SQLE: variants seen among roughly 807,000 people sequenced by gnomAD.
SQLE encodes the protein squalene monooxygenase.
SQLE carries 29 observed loss-of-function variants against 60.7 expected under a neutral mutation model. The ratio of observed to expected loss-of-function variants is 0.48; its 90% CI spans 0.36 to 0.65. The LOEUF (loss-of-function observed/expected upper bound fraction) is 0.65, where lower values mean the gene tolerates loss of function less well. SQLE is among the 30% of genes least tolerant of loss of function. The pLI, the probability that SQLE is intolerant of heterozygous loss-of-function variation, is 0.00. For synonymous variants in SQLE, 237 were observed against 246.8 expected, an observed-to-expected ratio of 0.96 and a Z score of 0.37; for missense variants, 605 against 684.1, an observed-to-expected ratio of 0.88 and a Z score of 1.29.
Position 124,998,653 on chromosome 8 carries a change from T to TG in SQLE, c.-749dup, listed in dbSNP as rs1563593771. 5 of 669,420 alleles carry TG rather than the reference T, an allele frequency of 7.5e-6. No homozygotes were observed. The highest frequency in any genetic ancestry group is 1.4e-5 in the Non-Finnish European group (5 of 368,724). 41.5% of individuals were successfully genotyped at this position (669,420 alleles called of 1,614,324 possible). ...CCGCCGCCATCTGAGGGAGGTACCC[T>TG]GGAAACCACCTTTTATCGGTGGGGA... is the stretch of plus-strand genomic sequence containing the variant. On this transcript the variant is annotated 5_prime_UTR_variant, in exon 1 of 11. Transcript: ENST00000265896.
intron 10 of SQLE, among the ~76,000 whole-genome samples, chr8:125,021,344 T>C (rs952138423): frequency 2.6e-5 from 4 of 152,106 alleles, no homozygotes; most frequent in African/African-American, 9.7e-5. Flanking sequence ...TCATAATCTA[T>C]AATCTGAATG....
chr8:124,999,641 T>C lies in SQLE; in HGVS notation c.238T>C (p.Trp80Arg). Residue 80 changes from tryptophan (W) to arginine (R), a missense_variant, in exon 1 of 11, where the codon TGG becomes CGG. Trp to Arg is a moderately radical substitution (Grantham distance 101). Coordinates refer to ENST00000265896, the MANE Select transcript of SQLE (RefSeq NM_003129.4). ...AGGCCTGCCTTTCATTGGCTTCTTCTGGGCCAAATCCCCCCCTGAATCAGA... is the reference window on the plus strand; with the variant it reads ...AGGCCTGCCTTTCATTGGCTTCTTCCGGGCCAAATCCCCCCCTGAATCAGA... ...LSGLPFIGFF[W>R]AKSPPESENK... 1 of 1,611,928 alleles carries C rather than the reference T, an allele frequency of 6.2e-7. No individual in the cohort carries two copies. Among genetic ancestry groups the C allele is most frequent in the Non-Finnish European group, 8.5e-7 (1 of 1,178,862 alleles).
intron 1 of SQLE, among the ~76,000 whole-genome samples, chr8:125,002,313 A>T (rs887872128): frequency 6.6e-6 from 1 of 152,224 alleles, no homozygotes; most frequent in African/African-American, 2.4e-5. Context: ...CTTTTGTCAT[A>T]TAAAAGTGAT....
intron 3 of SQLE, among the ~76,000 whole-genome samples, chr8:125,006,265 C>G (rs894454623): frequency 1.3e-5 from 2 of 152,182 alleles, no homozygotes; most frequent in Non-Finnish European, 2.9e-5. Context: ...AGCAAGTGGA[C>G]TTAATCCTTT....
intron 7 of SQLE, among the ~76,000 whole-genome samples, chr8:125,015,923 C>T (rs1815105455): frequency 6.6e-6 from 1 of 151,868 alleles, no homozygotes; most frequent in African/African-American, 2.4e-5. Flanking sequence ...GTGTCTTGCC[C>T]CTCTCTCCTG....
chr8:125,001,449 G>GGTGT (rs57946751), intron 1 of SQLE, among the ~76,000 whole-genome samples: 10,234 of 136,836 alleles, frequency 0.075, 473 homozygotes, highest in African/African-American at 0.13. Context: ...CTCCTTTCAG[G>GGTGT]GTGTGTGTGT....
At chr8:125,014,197 G>T (rs1003293494) in intron 7 of SQLE, among the ~76,000 whole-genome samples, 40 of 152,126 alleles carry the variant, frequency 2.6e-4, no homozygotes, top group African/African-American at 8.9e-4. Context: ...TAAAAAACGT[G>T]ATGATTTGGA....
chr8:125,017,051 G>A (rs999873073), intron 7 of SQLE, among the ~76,000 whole-genome samples: 8 of 152,072 alleles, frequency 5.3e-5, no homozygotes, highest in Non-Finnish European at 1.2e-4. Context: ...CATGACTGGC[G>A]TGTGCTGAGT....
In SQLE at chr8:125,021,789, C is replaced by G; in HGVS notation, c.1569C>G (p.Phe523Leu). 6.2e-7 allele frequency: 1 copy of G among 1,608,338 alleles called. No individual in the cohort carries two copies. The change falls in exon 11 of 11, where the codon TTC (phenylalanine) becomes TTG (leucine). Residue 523 changes from phenylalanine (F) to leucine (L), a missense_variant. By Grantham distance (22) the Phe-to-Leu change is conservative. Coordinates refer to ENST00000265896, the MANE Select transcript of SQLE (RefSeq NM_003129.4). ...SPNPLVLIGH[F>L]FAVAIYAVYF... Reference sequence around the variant, plus strand: ...ACCCTCTAGTTTTAATTGGACACTTCTTTGCTGTTGCAATCTATGCCGTGT... The same window carrying G: ...ACCCTCTAGTTTTAATTGGACACTTGTTTGCTGTTGCAATCTATGCCGTGT...
rs911604470 is a variant in SQLE at position 124,998,629 on chromosome 8, C to T, written c.-775C>T. ...TGGTGAGGAAGCCGTCGGGAGCCGC[C>T]GCCGCCATCTGAGGGAGGTACCCTG... is the stretch of plus-strand genomic sequence containing the variant. On this transcript the variant is annotated 5_prime_UTR_variant, in exon 1 of 11. Coordinates refer to ENST00000265896, the MANE Select transcript of SQLE (RefSeq NM_003129.4). 6 of 680,758 alleles carry T rather than the reference C, an allele frequency of 8.8e-6. No homozygotes were observed. The highest frequency in any genetic ancestry group is 1.8e-5 in the African/African-American group (1 of 55,202). The allele number at this position is 680,758 out of a possible 1,614,324, so 42.2% of individuals were successfully genotyped here.
In SQLE at chr8:125,016,196, CT is replaced by C. The variant is rs1413892449; in HGVS notation, c.1205-1862del. ...GTTATTTTTTCTTCAAATAAACTTT[CT>C]ACCCTCATCTTTCTATCTCCTTTTA... On this transcript the variant is annotated intron_variant, in intron 7 of 10. Coordinates refer to ENST00000265896, the MANE Select transcript of SQLE (RefSeq NM_003129.4). This position sits in a 1 kb window ranked among gnomAD's most constrained non-coding sequence, Gnocchi z 4.1. Among the ~76,000 whole-genome samples the C allele has an allele frequency of 3.2e-5, 4 of 126,158 alleles. No homozygotes were observed. The highest frequency in any genetic ancestry group is 7.8e-5 in the African/African-American group (2 of 25,694). The allele number at this position is 126,158 out of a possible 152,430, so 82.8% of individuals were successfully genotyped here.
Position 125,009,350 on chromosome 8 carries a change from A to T in SQLE, c.1108+7A>T. 1 of 1,608,040 alleles carries T rather than the reference A, an allele frequency of 6.2e-7. No homozygotes were observed. The highest frequency in any genetic ancestry group is 1.3e-5 in the African/African-American group (1 of 74,890). ...ATTTACCCACAAATACCTGGTAAGA[A>T]ATAGCATCTTCAGTTCTTACAAAGG... On this transcript the variant is annotated splice_region_variant and intron_variant, in intron 6 of 10. Transcript: ENST00000265896.
At position 124,999,578 on chromosome 8, in the gene SQLE, A is replaced by C; in HGVS notation, c.175A>C (p.Ser59Arg). 1 of 1,613,476 alleles carries C rather than the reference A, an allele frequency of 6.2e-7. No homozygotes were observed. Among genetic ancestry groups the C allele is most frequent in the African/African-American group, 1.3e-5 (1 of 75,002 alleles). The change falls in exon 1 of 11, where the codon AGC becomes CGC. Residue 59 changes from serine to arginine, a missense_variant. Ser to Arg is a moderately radical substitution (Grantham distance 110). Coordinates refer to ENST00000265896, the MANE Select transcript of SQLE (RefSeq NM_003129.4). ...RNGGLLGRQQSGSQFALFSDI... is the reference protein window; with the variant it reads ...RNGGLLGRQQRGSQFALFSDI... ...CGGGGGTCTCCTCGGGCGCCAGCAGAGCGGCTCCCAGTTCGCCCTCTTCTC... is the reference window on the plus strand; with the variant it reads ...CGGGGGTCTCCTCGGGCGCCAGCAGCGCGGCTCCCAGTTCGCCCTCTTCTC...
In SQLE at chr8:125,008,983, C is replaced by T; in HGVS notation, c.835C>T (p.Pro279Ser). ...ETGDIKELHA[P>S]LTVVADGLFS... Reference sequence around the variant, plus strand: ...ATTTCTGTTATAGGAACTCCATGCTCCACTGACTGTTGTTGCAGATGGGCT... The same window carrying T: ...ATTTCTGTTATAGGAACTCCATGCTTCACTGACTGTTGTTGCAGATGGGCT... Residue 279 changes from proline to serine, a missense_variant, in exon 5 of 11, where the codon CCA becomes TCA. Pro to Ser is a moderately conservative substitution (Grantham distance 74). Coordinates refer to ENST00000265896, the MANE Select transcript of SQLE (RefSeq NM_003129.4). The T allele has an allele frequency of 6.3e-7, 1 of 1,581,104 alleles. No homozygotes were observed. Among genetic ancestry groups the T allele is most frequent in the Non-Finnish European group, 8.6e-7 (1 of 1,167,476 alleles).
chr8:125,018,795 A>G, intron 9 of SQLE, 68 bp downstream of exon 9: 1 of 1,037,316 alleles, frequency 9.6e-7, no homozygotes, highest in Non-Finnish European at 1.4e-6. Context: ...AGGAATAAAC[A>G]AGTTAGTGAT....
chr8:125,002,873 A>G (rs941227540), intron 1 of SQLE, among the ~76,000 whole-genome samples: 1 of 152,214 alleles, frequency 6.6e-6, no homozygotes, highest in African/African-American at 2.4e-5. Context: ...AACATTTATT[A>G]TATTCGGCCC....
At position 125,018,892 on chromosome 8, in the gene SQLE, T is replaced by C. The variant is rs1815153942; in HGVS notation, c.1444+165T>C. 36 of 571,884 alleles carry C rather than the reference T, an allele frequency of 6.3e-5. No individual in the cohort carries two copies. The South Asian group carries it at 7.8e-4, about 12-fold the overall frequency. The allele number at this position is 571,884 out of a possible 1,614,324, so 35.4% of individuals were successfully genotyped here. ...TTCCATTTTGAGCAATAGTTGTAGT[T>C]TTAGTTTTAGTTTGGAAGGTAGTGG... On this transcript the variant is annotated intron_variant, in intron 9 of 10. Transcript: ENST00000265896.
chr8:125,000,105 C>G (rs1814818956), intron 1 of SQLE: 1 of 456,176 alleles, frequency 2.2e-6, no homozygotes, highest in African/African-American at 2.0e-5. Context: ...TGACAGCTGA[C>G]TGGGGAAAGT....
intron 7 of SQLE, 34 bp downstream of exon 7, chr8:125,011,666 C>T: frequency 2.0e-6 from 3 of 1,490,402 alleles, no homozygotes; most frequent in Non-Finnish European, 2.7e-6. Flanking sequence ...ATAAAGGAAT[C>T]AGTATTCCAA....
Sources: allele counts gnomAD v4.1 joint callset (sites outside exome capture counted in the v4.1 genomes callset), GRCh38; gene constraint gnomAD v4.1.1; non-coding constraint Gnocchi (gnomAD v3.1); transcripts MANE v1.5; gene names NCBI Gene and HGNC (gene_info 2026-07-23, HGNC 2026-07-21).